SLC23A2: variants seen among roughly 807,000 people sequenced by gnomAD.
The protein encoded by SLC23A2 is Na(+)/L-ascorbic acid transporter 2.
SLC23A2 carries 36 observed loss-of-function variants against 73.3 expected under a neutral mutation model. The ratio of observed to expected loss-of-function variants is 0.49; its 90% CI spans 0.38 to 0.65. SLC23A2 has a LOEUF of 0.65. Ranked by LOEUF, SLC23A2 falls within the 30% of genes least tolerant of loss-of-function variation. The pLI is 0.00. For synonymous variants in SLC23A2, 343 were observed against 327.3 expected (o/e 1.05, Z -0.52); for missense variants, 507 against 841.6 (o/e 0.60, Z 4.92).
intron 4 of SLC23A2, 128 bp downstream of exon 4, chr20:4,912,752 G>C: frequency 2.9e-6 from 2 of 686,786 alleles, no homozygotes; most frequent in Admixed American, 2.2e-5. Context: ...AGCCCCTTGG[G>C]AGTCAGAGAC....
intron 2 of SLC23A2, among the ~76,000 whole-genome samples, chr20:4,960,844 T>C (rs577167692): frequency 1.3e-5 from 2 of 152,308 alleles, no homozygotes; most frequent in East Asian, 3.9e-4. Flanking sequence ...CATGTTTAGA[T>C]TTATTAGGTC....
intron 4 of SLC23A2, among the ~76,000 whole-genome samples, chr20:4,905,185 T>C (rs1393061002): frequency 6.6e-6 from 1 of 150,590 alleles, no homozygotes; most frequent in East Asian, 1.9e-4. Context: ...CACAGGCGCA[T>C]GTATGCACAT....
intron 1 of SLC23A2, among the ~76,000 whole-genome samples, chr20:5,007,405 C>T (rs1321958690): frequency 6.6e-6 from 1 of 152,078 alleles, no homozygotes. Context: ...GTGACATACA[C>T]GTGTAGTCCC....
intron 15 of SLC23A2, among the ~76,000 whole-genome samples, chr20:4,860,954 T>C (rs1378010907): frequency 6.6e-6 from 1 of 152,102 alleles, no homozygotes; most frequent in African/African-American, 2.4e-5. Context: ...GGCAGGAGAA[T>C]CGCTTGAACC....
At chr20:4,911,378 C>G (rs774386976) in intron 4 of SLC23A2, among the ~76,000 whole-genome samples, 1 of 152,022 alleles carries the variant, frequency 6.6e-6, no homozygotes, top group Non-Finnish European at 1.5e-5. Context: ...TTTCCATATC[C>G]CAGACTGGAA....
chr20:4,952,157 A>G, intron 2 of SLC23A2, among the ~76,000 whole-genome samples: 1 of 151,356 alleles, frequency 6.6e-6, no homozygotes, highest in African/African-American at 2.4e-5. Flanking sequence ...TCAATAACCT[A>G]ATATAAAAGA....
In SLC23A2 at chr20:4,979,542, A is replaced by C. The variant is rs199584759; in HGVS notation, c.-281-8623T>G. On this transcript the variant is annotated intron_variant, in intron 1 of 16. Coordinates refer to ENST00000338244, the MANE Select transcript of SLC23A2 (RefSeq NM_005116.6). ...CAACATAGAAAGACCCTGTCTCTAC[A>C]AAAAAAAATGTCTAAATATATGAAA... is the stretch of plus-strand genomic sequence containing the variant. 5.5e-5 allele frequency among the ~76,000 whole-genome samples: 8 copies of C among 146,230 alleles called. No homozygotes were observed. In the South Asian group the frequency reaches 1.7e-3, roughly 31 times the overall value.
chr20:4,919,761 C>T (rs1000203343), intron 3 of SLC23A2, among the ~76,000 whole-genome samples: 3 of 152,178 alleles, frequency 2.0e-5, no homozygotes, highest in African/African-American at 7.2e-5. Context: ...GCACTCCACC[C>T]AAAACGGACC....
rs538248300 is a variant in SLC23A2 at position 4,888,035 on chromosome 20, C to T, written c.483-2126G>A. ...AGCTCTTCTCTCTGCACCCAAGGCA[C>T]GGCCCCTGTCGTACTCATGTGACCA... On this transcript the variant is annotated intron_variant, in intron 6 of 16. Coordinates refer to ENST00000338244, the MANE Select transcript of SLC23A2 (RefSeq NM_005116.6). Among the ~76,000 whole-genome samples the T allele has an allele frequency of 8.5e-5, 13 of 152,328 alleles. 1 individual carries two copies. The East Asian group carries it at 1.2e-3, about 14-fold the overall frequency.
chr20:4,934,861 T>TAA (rs536874890), intron 2 of SLC23A2, among the ~76,000 whole-genome samples: 8 of 138,150 alleles, frequency 5.8e-5, no homozygotes, highest in Non-Finnish European at 9.4e-5. Context: ...AGACTCTGTC[T>TAA]AAAAAAAAAA....
intron 9 of SLC23A2, among the ~76,000 whole-genome samples, chr20:4,882,314 G>A (rs1425214901): frequency 6.6e-6 from 1 of 152,114 alleles, no homozygotes; most frequent in Non-Finnish European, 1.5e-5. Context: ...GGTGGAGGTT[G>A]CAGTGAGCCA....
intron 3 of SLC23A2, 77 bp from the exon 4 acceptor site, chr20:4,913,055 C>A: frequency 1.1e-6 from 1 of 909,702 alleles, no homozygotes. Context: ...TTGTAATTCT[C>A]CTGGTGAGTG....
chr20:4,921,989 C>G (rs958156931), intron 3 of SLC23A2, among the ~76,000 whole-genome samples: 2 of 152,248 alleles, frequency 1.3e-5, no homozygotes, highest in East Asian at 3.9e-4. Context: ...ATTACTGCCT[C>G]GAAACCTCCA....
At chr20:4,927,218 T>C (rs556545944) in intron 3 of SLC23A2, among the ~76,000 whole-genome samples, 1 of 152,350 alleles carries the variant, frequency 6.6e-6, no homozygotes, top group East Asian at 1.9e-4. Flanking sequence ...AAACGTCACA[T>C]GTGACTAGCA....
chr20:4,889,109 G>A (rs1291957582), intron 6 of SLC23A2, among the ~76,000 whole-genome samples: 3 of 152,180 alleles, frequency 2.0e-5, no homozygotes, highest in Admixed American at 1.3e-4. Context: ...TTTCTGCTGC[G>A]TGAAGAAGAC....
rs79407954 is a variant in SLC23A2 at position 4,857,337 on chromosome 20, T to C, written c.1721-133A>G. 3,290 of 455,602 alleles carry C rather than the reference T, an allele frequency of 7.2e-3. 39 individuals are homozygous for C. Among genetic ancestry groups the C allele is most frequent in the African/African-American group, 0.048 (1,435 of 29,842 alleles). The allele number at this position is 455,602 out of a possible 1,614,324, so 28.2% of individuals were successfully genotyped here. On this transcript the variant is annotated intron_variant, in intron 16 of 16. Transcript: ENST00000338244. This position sits in a 1 kb window ranked among gnomAD's most constrained non-coding sequence, Gnocchi z 4.0. Reference sequence around the variant, plus strand: ...ACACACACACACACACACACACACATGGTCCCACAGATCAAACCTGCCTAG... The same window carrying C: ...ACACACACACACACACACACACACACGGTCCCACAGATCAAACCTGCCTAG...
At chr20:4,956,636 G>A (rs187112260) in intron 2 of SLC23A2, among the ~76,000 whole-genome samples, 8 of 152,022 alleles carry the variant, frequency 5.3e-5, no homozygotes, top group Admixed American at 6.6e-5. Context: ...TCTGCCATTC[G>A]ATTAGTAATT....
upstream of SLC23A2, among the ~76,000 whole-genome samples, chr20:5,005,626 A>G (rs1381142385): frequency 1.3e-5 from 2 of 152,200 alleles, no homozygotes; most frequent in Admixed American, 1.3e-4. Flanking sequence ...AAAGAGCTAG[A>G]TAATAAATGT....
chr20:4,893,159 G>A (rs1175055841), intron 6 of SLC23A2, among the ~76,000 whole-genome samples: 1 of 151,838 alleles, frequency 6.6e-6, no homozygotes, highest in Non-Finnish European at 1.5e-5. Context: ...CATCTCCTGG[G>A]CTCAAGCGAC....
Sources: gnomAD v4.1 joint callset for allele counts (sites outside exome capture counted in the v4.1 genomes callset) on GRCh38, gnomAD v4.1.1 for gene constraint, Gnocchi (gnomAD v3.1) non-coding constraint, MANE v1.5 for transcripts, NCBI Gene and HGNC (gene_info 2026-07-23, HGNC 2026-07-21) for gene names.